The following IKZF3 variants were observed in gnomAD, a reference collection of about 807,000 sequenced individuals.
IKZF3 encodes the protein zinc finger protein Aiolos.
In IKZF3, 10 loss-of-function variants were observed where a neutral mutation model predicts 49.0. The observed-to-expected ratio is 0.20, with a 90% confidence interval of 0.13 to 0.35. The LOEUF is 0.35. Ranked by LOEUF, IKZF3 falls within the 10% of genes least tolerant of loss-of-function variation. The probability of loss-of-function intolerance (pLI) is 1.00; values close to 1 mark genes in which losing one functional copy is unlikely to be tolerated. For missense variants in IKZF3, 498 were observed against 664.8 expected (o/e 0.75, Z 2.76); for synonymous variants, 209 against 228.2 (o/e 0.92, Z 0.76).
intron 3 of IKZF3, 27 bp downstream of exon 3, chr17:39,829,360 G>T (rs1202122347): frequency 2.0e-6 from 3 of 1,483,844 alleles, no homozygotes; most frequent in Admixed American, 3.4e-5. Context: ...ACAGGCATCA[G>T]TGTTTAGTCT....
intron 7 of IKZF3, among the ~76,000 whole-genome samples, chr17:39,772,369 T>C (rs2060466608): frequency 6.6e-6 from 1 of 152,174 alleles, no homozygotes; most frequent in Admixed American, 6.5e-5. Context: ...AGGTCTTAAG[T>C]CTTAAAGTTC....
At chr17:39,835,566 C>A in intron 1 of IKZF3, 1 of 436,222 alleles carries the variant, frequency 2.3e-6, no homozygotes, top group Admixed American at 2.7e-5. Flanking sequence ...CTGGTGCATG[C>A]TGTCAGCCTT....
chr17:39,801,997 C>G (rs2061328983), intron 3 of IKZF3, among the ~76,000 whole-genome samples: 1 of 151,908 alleles, frequency 6.6e-6, no homozygotes. Flanking sequence ...GAGGCTGAGG[C>G]AGGCGGATCA....
intron 5 of IKZF3, among the ~76,000 whole-genome samples, chr17:39,790,632 A>G (rs2060994514): frequency 1.3e-5 from 2 of 152,126 alleles, no homozygotes; most frequent in African/African-American, 4.8e-5. Flanking sequence ...ACTCAGTCTT[A>G]TTTTTCTAGG....
At chr17:39,789,180 A>G (rs182702316) in intron 5 of IKZF3, among the ~76,000 whole-genome samples, 2,468 of 152,290 alleles carry the variant, frequency 0.016, 37 homozygotes, top group Non-Finnish European at 0.026. Context: ...CTGTAATCCC[A>G]GCACTTTGGG....
At chr17:39,812,426 G>T (rs560213976) in intron 3 of IKZF3, among the ~76,000 whole-genome samples, 2 of 152,086 alleles carry the variant, frequency 1.3e-5, no homozygotes, top group African/African-American at 4.8e-5. Flanking sequence ...ACCAGCTCAG[G>T]ATCGGGGAAG....
intron 1 of IKZF3, among the ~76,000 whole-genome samples, chr17:39,861,751 G>T (rs531847723): frequency 3.9e-5 from 6 of 152,148 alleles, no homozygotes; most frequent in Non-Finnish European, 8.8e-5. Flanking sequence ...CAATATCCTA[G>T]GTATGTTTGG....
At position 39,829,502 on chromosome 17, in the gene IKZF3, G is replaced by A. The variant is rs2062050161; in HGVS notation, c.62-14C>T. ...CCGCTGCACTTTCTAAAAGATAAAA[G>A]GAATTTTAAGTATGTGGTTCAACGT... is the stretch of plus-strand genomic sequence containing the variant. On this transcript the variant is annotated splice_polypyrimidine_tract_variant and intron_variant, in intron 2 of 7. Coordinates refer to ENST00000346872, the MANE Select transcript of IKZF3 (RefSeq NM_012481.5). 6.4e-7 allele frequency: 1 copy of A among 1,571,330 alleles called. No individual in the cohort carries two copies. The highest frequency in any genetic ancestry group is 2.2e-5 in the East Asian group (1 of 44,662).
At chr17:39,774,815 A>T (rs1441974625) in intron 7 of IKZF3, among the ~76,000 whole-genome samples, 1 of 152,210 alleles carries the variant, frequency 6.6e-6, no homozygotes, top group Non-Finnish European at 1.5e-5. Flanking sequence ...TGTGTTTTAG[A>T]TTCTCAGATT....
At chr17:39,862,620 T>C (rs2144613232) in intron 1 of IKZF3, among the ~76,000 whole-genome samples, 1 of 152,238 alleles carries the variant, frequency 6.6e-6, no homozygotes. Context: ...AATGTTAAAG[T>C]TTTTTCATTA....
chr17:39,854,056 G>A (rs2062965759), intron 1 of IKZF3, among the ~76,000 whole-genome samples: 1 of 152,166 alleles, frequency 6.6e-6, no homozygotes, highest in South Asian at 2.1e-4. Context: ...AACCTGGGAG[G>A]CGGAGGTTGC....
chr17:39,803,087 A>G (rs2061358723), intron 3 of IKZF3, among the ~76,000 whole-genome samples: 1 of 152,174 alleles, frequency 6.6e-6, no homozygotes, highest in Admixed American at 6.5e-5. Context: ...ACAGAAATAC[A>G]CTATACATCA....
chr17:39,783,895 C>T (rs1044954920), intron 6 of IKZF3, among the ~76,000 whole-genome samples: 8 of 152,104 alleles, frequency 5.3e-5, no homozygotes, highest in Non-Finnish European at 1.0e-4. Flanking sequence ...TGCCACTGCA[C>T]TCCAGCCTGG....
At chr17:39,851,960 T>C (rs1303789345) in intron 1 of IKZF3, among the ~76,000 whole-genome samples, 1 of 152,186 alleles carries the variant, frequency 6.6e-6, no homozygotes, top group Non-Finnish European at 1.5e-5. Flanking sequence ...AAGTTGCATC[T>C]ACACCAACCA....
At chr17:39,860,538 A>T (rs952855489) in intron 1 of IKZF3, among the ~76,000 whole-genome samples, 1 of 152,214 alleles carries the variant, frequency 6.6e-6, no homozygotes, top group African/African-American at 2.4e-5. Context: ...CACAAAAAAG[A>T]ATGAAATCAT....
intron 1 of IKZF3, chr17:39,835,709 G>T: frequency 2.0e-6 from 1 of 494,222 alleles, no homozygotes; most frequent in South Asian, 1.6e-5. Context: ...GGAGCTCCCA[G>T]ATCTCCTCTT....
chr17:39,857,380 T>C (rs767614374), intron 1 of IKZF3, among the ~76,000 whole-genome samples: 1 of 152,248 alleles, frequency 6.6e-6, no homozygotes, highest in Non-Finnish European at 1.5e-5. Flanking sequence ...AATGAACTGA[T>C]GTTGCTGTGA....
At chr17:39,774,282 T>C (rs962230751) in intron 7 of IKZF3, among the ~76,000 whole-genome samples, 8 of 152,054 alleles carry the variant, frequency 5.3e-5, no homozygotes, top group South Asian at 2.1e-4. Context: ...CTTCACACCT[T>C]ACCCATTGCC....
At chr17:39,831,627 G>A (rs550584628) in intron 2 of IKZF3, among the ~76,000 whole-genome samples, 3 of 152,018 alleles carry the variant, frequency 2.0e-5, no homozygotes, top group Non-Finnish European at 4.4e-5. Flanking sequence ...GGGCCCAAGA[G>A]GTAGGAATGG....
Sources: gnomAD v4.1 joint callset for allele counts (sites outside exome capture counted in the v4.1 genomes callset) on GRCh38, gnomAD v4.1.1 for gene constraint, MANE v1.5 for transcripts, NCBI Gene and HGNC (gene_info 2026-07-23, HGNC 2026-07-21) for gene names.